Variants in INTS3 observed in about 807,000 individuals in gnomAD.
INTS3 encodes the protein SOSS complex subunit A.
A neutral mutation model predicts 146.3 loss-of-function variants in INTS3; 34 were observed. The ratio of observed to expected loss-of-function variants is 0.23; its 90% CI spans 0.18 to 0.31. The LOEUF (loss-of-function observed/expected upper bound fraction) is 0.31, where lower values mean the gene tolerates loss of function less well. INTS3 is among the 10% of genes least tolerant of loss of function. The pLI is 1.00. For synonymous variants in INTS3, 475 were observed against 494.9 expected (o/e 0.96, Z 0.53); for missense variants, 757 against 1,304.2 (o/e 0.58, Z 6.46).
At chr1:153,731,963 A>G (rs1430975543) in intron 1 of INTS3, among the ~76,000 whole-genome samples, 5 of 123,710 alleles carry the variant, frequency 4.0e-5, no homozygotes, top group Non-Finnish European at 7.9e-5. Context: ...GCTGGAGTGC[A>G]GTGGCGCGAT....
In INTS3 at chr1:153,770,325, TG is replaced by T; in HGVS notation, c.2503+17del. The stretch of plus-strand genomic sequence containing the variant: ...TCAAATACAAGGGTGAGTAGGCTTT[TG>T]GGTAGGGAGCACATCAGATATGACA... On this transcript the variant is annotated intron_variant, in intron 24 of 29. Transcript: ENST00000318967. 6.8e-7 allele frequency: 1 copy of T among 1,476,454 alleles called. No individual in the cohort carries two copies. Among genetic ancestry groups the T allele is most frequent in the Non-Finnish European group, 9.5e-7 (1 of 1,054,496 alleles). 91.5% of individuals were successfully genotyped at this position (1,476,454 alleles called of 1,614,324 possible).
chr1:153,750,052 G>T (rs1319764270), intron 6 of INTS3, among the ~76,000 whole-genome samples: 1 of 152,180 alleles, frequency 6.6e-6, no homozygotes. Flanking sequence ...GAGTTAAAAG[G>T]TAGCAGGTAG....
chr1:153,754,853 C>T (rs1467880468), intron 9 of INTS3, 114 bp downstream of exon 9: 6 of 731,992 alleles, frequency 8.2e-6, no homozygotes, highest in South Asian at 4.5e-5. Flanking sequence ...GCTAAATGAT[C>T]GTACCTGATC....
In INTS3 at chr1:153,761,665, C is replaced by G. The variant is rs1229362422; in HGVS notation, c.1505C>G (p.Pro502Arg). 3 of 1,612,714 alleles carry G rather than the reference C, an allele frequency of 1.9e-6. No individual in the cohort carries two copies. The highest frequency in any genetic ancestry group is 2.5e-6 in the Non-Finnish European group (3 of 1,178,792). The change falls in exon 14 of 30, where the codon CCA (proline) becomes CGA (arginine). Residue 502 changes from proline (P) to arginine (R), a missense_variant. Physicochemically the swap from Pro to Arg is moderately radical, Grantham distance 103. This residue lies in a region of INTS3 where 97 missense variants were observed against 113.6 expected (regional missense o/e 0.85). Coordinates refer to ENST00000318967, the MANE Select transcript of INTS3 (RefSeq NM_023015.5). Reference protein sequence around the residue: ...KFPEFCSSPSPPVEVKIEEPV... With the variant: ...KFPEFCSSPSRPVEVKIEEPV... ...CCTGAGTTCTGCAGCTCACCCTCCCCACCTGTGGAAGGTATGAGGCCCGCC... is the reference window on the plus strand; with the variant it reads ...CCTGAGTTCTGCAGCTCACCCTCCCGACCTGTGGAAGGTATGAGGCCCGCC...
Position 153,773,466 on chromosome 1 carries a change from T to C in INTS3, c.*196T>C. 1 of 620,010 alleles carries C rather than the reference T, an allele frequency of 1.6e-6. No individual in the cohort carries two copies. Among genetic ancestry groups the C allele is most frequent in the South Asian group, 2.0e-5 (1 of 50,472 alleles). 38.4% of individuals were successfully genotyped at this position (620,010 alleles called of 1,614,324 possible). On this transcript the variant is annotated 3_prime_UTR_variant, in exon 30 of 30. Coordinates refer to ENST00000318967, the MANE Select transcript of INTS3 (RefSeq NM_023015.5). ...CAGCCCCTAGCCCCTTCCCTCCTCC[T>C]GGGGCCTCCAGCCCCTCACACTGCT...
chr1:153,761,546 A>C (rs775507739), intron 13 of INTS3, 24 bp from the exon 14 acceptor site: 5 of 1,491,102 alleles, frequency 3.4e-6, no homozygotes, highest in Non-Finnish European at 4.7e-6. Flanking sequence ...TCTGATATTG[A>C]CCTTCATCAT....
chr1:153,760,184 A>T (rs1181321508), intron 11 of INTS3, 127 bp from the exon 12 acceptor site: 1 of 653,036 alleles, frequency 1.5e-6, no homozygotes, highest in Non-Finnish European at 2.6e-6. Context: ...GTGAGCTGAG[A>T]TCGTACCATT....
At chr1:153,740,849 T>C (rs1477755570) in intron 2 of INTS3, 115 bp downstream of exon 2, 1 of 822,416 alleles carries the variant, frequency 1.2e-6, no homozygotes, top group Non-Finnish European at 2.1e-6. Flanking sequence ...TCATCAAGTC[T>C]TGGCTCCCTG....
chr1:153,748,453 T>C, intron 5 of INTS3: 1 of 566,148 alleles, frequency 1.8e-6, no homozygotes, highest in Non-Finnish European at 3.2e-6. Context: ...TCACAATCTG[T>C]GGGAAAGTAG....
intron 25 of INTS3, 88 bp from the exon 26 acceptor site, chr1:153,771,708 G>A (rs1672877773): frequency 7.5e-7 from 1 of 1,331,720 alleles, no homozygotes; most frequent in East Asian, 2.3e-5. Context: ...TGGGTGGGGA[G>A]GCCAGGGCTT....
chr1:153,769,091 T>C, intron 22 of INTS3, 130 bp downstream of exon 22: 1 of 721,004 alleles, frequency 1.4e-6, no homozygotes, highest in South Asian at 1.6e-5. Flanking sequence ...CTGGCTACAG[T>C]GGTGTGCGCT....
At chr1:153,750,398 A>C (rs953814373) in intron 6 of INTS3, among the ~76,000 whole-genome samples, 2 of 152,064 alleles carry the variant, frequency 1.3e-5, no homozygotes, top group African/African-American at 4.8e-5. Context: ...TCCCTCAGGG[A>C]TATTCTGAAA....
At chr1:153,756,553 C>T (rs1366261516) in intron 9 of INTS3, among the ~76,000 whole-genome samples, 1 of 151,990 alleles carries the variant, frequency 6.6e-6, no homozygotes, top group Admixed American at 6.5e-5. Context: ...CGGTGGCTCA[C>T]GCCTGTAATC....
At chr1:153,736,635 C>T (rs752015019) in intron 1 of INTS3, among the ~76,000 whole-genome samples, 8 of 151,164 alleles carry the variant, frequency 5.3e-5, no homozygotes, top group Admixed American at 2.0e-4. Context: ...TTAGTAGAGA[C>T]GGGGTTTCAC....
At position 153,741,292 on chromosome 1, in the gene INTS3, A is replaced by G. The variant is rs768391285; in HGVS notation, c.242A>G (p.Lys81Arg). The G allele has an allele frequency of 1.2e-6, 2 of 1,613,586 alleles. No homozygotes were observed. The highest frequency in any genetic ancestry group is 1.3e-5 in the African/African-American group (1 of 74,852). The change falls in exon 3 of 30, where the codon AAA (lysine) becomes AGA (arginine). Residue 81 changes from lysine to arginine, a missense_variant. Lys to Arg is a conservative substitution (Grantham distance 26, BLOSUM62 2). This residue lies in a region of INTS3 where 160 missense variants were observed against 193.7 expected (regional missense o/e 0.83). Transcript: ENST00000318967. The stretch of plus-strand genomic sequence containing the variant: ...TCCTTTCTCACATTCCAGGTGTGCA[A>G]AGGCCTCCCCCAGCATGAAGAAATC... ...ANDALNAYVC[K>R]GLPQHEEICL...
chr1:153,764,024 G>A (rs1672484905), intron 17 of INTS3, 94 bp from the exon 18 acceptor site: 3 of 1,306,426 alleles, frequency 2.3e-6, no homozygotes, highest in Non-Finnish European at 3.3e-6. Flanking sequence ...GCTGATCCTG[G>A]AGGTGGAAGC....
In INTS3 at chr1:153,762,712, T is replaced by G; in HGVS notation, c.1517-16T>G. ...CCAGGAGGCCATTAAATGCCTTATC[T>G]TTTTTTACTCCCAAGTCAAAATTGA... On this transcript the variant is annotated splice_polypyrimidine_tract_variant and intron_variant, in intron 14 of 29. Coordinates refer to ENST00000318967, the MANE Select transcript of INTS3 (RefSeq NM_023015.5). 6.2e-7 allele frequency: 1 copy of G among 1,613,720 alleles called. No individual in the cohort carries two copies. The highest frequency in any genetic ancestry group is 1.1e-5 in the South Asian group (1 of 91,030).
rs116766820 is a variant in INTS3 at position 153,732,296 on chromosome 1, A to G, written c.150+3512A>G. On this transcript the variant is annotated intron_variant, in intron 1 of 29. Transcript: ENST00000318967. The stretch of plus-strand genomic sequence containing the variant: ...TTTCCCCAAGGAATAATTCATATAC[A>G]TATGTGAGGAGTCTCCAGGGACTGG... Among the ~76,000 whole-genome samples the G allele has an allele frequency of 1.6e-3, 237 of 152,216 alleles. 1 individual carries two copies. Among genetic ancestry groups the G allele is most frequent in the African/African-American group, 5.5e-3 (227 of 41,546 alleles).
At chr1:153,769,705 C>T in intron 22 of INTS3, 64 bp from the exon 23 acceptor site, 1 of 1,089,954 alleles carries the variant, frequency 9.2e-7, no homozygotes, top group Admixed American at 1.7e-5. Flanking sequence ...GCGTCCCCCT[C>T]CATACTAGCT....
Sources: allele counts gnomAD v4.1 joint callset (sites outside exome capture counted in the v4.1 genomes callset), GRCh38; gene constraint gnomAD v4.1.1; regional missense constraint gnomAD v4.1.1; transcripts MANE v1.5; gene names NCBI Gene and HGNC (gene_info 2026-07-23, HGNC 2026-07-21).